TMEM108: variants seen among roughly 807,000 people sequenced by gnomAD.
TMEM108 encodes cancer/testis antigen 124.
In TMEM108, 12 loss-of-function variants were observed where a neutral mutation model predicts 35.1. The observed-to-expected ratio is 0.34, with a 90% CI of 0.22 to 0.55. The LOEUF is 0.55. Ranked by LOEUF, TMEM108 falls within the 20% of genes least tolerant of loss-of-function variation. TMEM108 has a pLI of 0.89. For missense variants in TMEM108, 680 were observed against 753.3 expected (o/e 0.90, Z 1.14); for synonymous variants, 287 against 308.6 (o/e 0.93, Z 0.73).
intron 2 of TMEM108, among the ~76,000 whole-genome samples, chr3:133,107,632 A>C (rs1356970032): frequency 6.6e-6 from 1 of 152,110 alleles, no homozygotes; most frequent in African/African-American, 2.4e-5. Context: ...TGCCAGCAAG[A>C]TCTTGATGTT....
intron 2 of TMEM108, among the ~76,000 whole-genome samples, chr3:133,228,814 A>G (rs1445724639): frequency 6.6e-6 from 1 of 152,174 alleles, no homozygotes; most frequent in Non-Finnish European, 1.5e-5. Flanking sequence ...TGTAATCAGA[A>G]AATAATAGAA....
intron 3 of TMEM108, among the ~76,000 whole-genome samples, chr3:133,235,044 A>G (rs998930951): frequency 3.9e-5 from 6 of 152,056 alleles, no homozygotes; most frequent in African/African-American, 1.2e-4. Flanking sequence ...CCAACTTACA[A>G]GGGATGTGAA....
intron 2 of TMEM108, among the ~76,000 whole-genome samples, chr3:133,107,402 C>G (rs1266343120): frequency 6.6e-6 from 1 of 151,292 alleles, no homozygotes; most frequent in Non-Finnish European, 1.5e-5. Flanking sequence ...ACAGCTTATT[C>G]CAAGAGTATG....
At chr3:133,323,529 C>T (rs1338478429) in intron 3 of TMEM108, among the ~76,000 whole-genome samples, 1 of 152,048 alleles carries the variant, frequency 6.6e-6, no homozygotes, top group Non-Finnish European at 1.5e-5. Context: ...TTATAGATGA[C>T]ACCAACAAAT....
In TMEM108 at chr3:133,384,136, T is replaced by C. The variant is rs369335474; in HGVS notation, c.1450+2975T>C. ...TCTTCCACGTCTAAGGGCCCCTTGT[T>C]TTGGACCTTCTCAGTGGCTTCATTT... On this transcript the variant is annotated intron_variant, in intron 4 of 5. Coordinates refer to ENST00000321871, the MANE Select transcript of TMEM108 (RefSeq NM_023943.4). 5.9e-5 allele frequency among the ~76,000 whole-genome samples: 9 copies of C among 152,292 alleles called. No homozygotes were observed. In the East Asian group the frequency reaches 1.2e-3, roughly 20 times the overall value.
Position 133,381,069 on chromosome 3 carries a change from G to C in TMEM108, c.1358G>C (p.Gly453Ala), listed in dbSNP as rs774734849. Residue 453 changes from glycine (G) to alanine (A), a missense_variant, in exon 4 of 6, where the codon GGG (glycine) becomes GCG (alanine). Transcript: ENST00000321871. ...TAGNISHVAEGDKPQHRATIC... is the reference protein window; with the variant it reads ...TAGNISHVAEADKPQHRATIC... ...GGGAACATCTCCCATGTGGCCGAGG[G>C]GGACAAACCGCAGCACAGAGCCACC... The C allele has an allele frequency of 3.1e-6, 5 of 1,614,064 alleles. No individual in the cohort carries two copies. Among genetic ancestry groups the C allele is most frequent in the Middle Eastern group, 1.6e-4 (1 of 6,082 alleles).
At chr3:133,086,633 CTG>C (rs1943885840) in intron 2 of TMEM108, among the ~76,000 whole-genome samples, 1 of 152,166 alleles carries the variant, frequency 6.6e-6, no homozygotes, top group Admixed American at 6.5e-5. Flanking sequence ...GAGGTACACT[CTG>C]TGGTGAACAA....
chr3:133,144,368 A>G (rs571669504), intron 2 of TMEM108, among the ~76,000 whole-genome samples: 3 of 152,126 alleles, frequency 2.0e-5, no homozygotes, highest in Non-Finnish European at 2.9e-5. Flanking sequence ...TATCCAGTCT[A>G]TCATTGAGGG....
chr3:133,052,540 T>TG (rs1455598733), intron 2 of TMEM108, among the ~76,000 whole-genome samples: 9 of 143,630 alleles, frequency 6.3e-5, no homozygotes, highest in South Asian at 4.5e-4. Flanking sequence ...GTACAATGTT[T>TG]GAAAAAAAAA....
intron 2 of TMEM108, among the ~76,000 whole-genome samples, chr3:133,155,596 C>G (rs947110477): frequency 1.3e-5 from 2 of 152,094 alleles, no homozygotes; most frequent in Non-Finnish European, 2.9e-5. Flanking sequence ...TTGCATTTCT[C>G]TAATGATCAG....
intron 2 of TMEM108, among the ~76,000 whole-genome samples, chr3:133,225,580 C>T (rs908470892): frequency 9.2e-5 from 14 of 152,068 alleles, no homozygotes; most frequent in African/African-American, 2.9e-4. Flanking sequence ...TTGATGAGAT[C>T]AAGTCAGTCT....
intron 2 of TMEM108, among the ~76,000 whole-genome samples, chr3:133,198,783 G>T (rs768805468): frequency 2.0e-5 from 3 of 152,160 alleles, no homozygotes; most frequent in Non-Finnish European, 4.4e-5. Flanking sequence ...TTCTCGAGGT[G>T]TGTCTTTGTG....
At chr3:133,126,696 G>T (rs2107739434) in intron 2 of TMEM108, among the ~76,000 whole-genome samples, 1 of 152,092 alleles carries the variant, frequency 6.6e-6, no homozygotes, top group Admixed American at 6.5e-5. Flanking sequence ...AACATGTACA[G>T]TTGTCCCTTG....
intron 4 of TMEM108, among the ~76,000 whole-genome samples, chr3:133,385,915 G>A (rs1173905660): frequency 6.6e-6 from 1 of 152,180 alleles, no homozygotes; most frequent in Non-Finnish European, 1.5e-5. Flanking sequence ...AGAATTATTG[G>A]GGGAAACACC....
chr3:133,067,574 T>C (rs1943625048), intron 2 of TMEM108, among the ~76,000 whole-genome samples: 1 of 152,238 alleles, frequency 6.6e-6, no homozygotes, highest in Non-Finnish European at 1.5e-5. Flanking sequence ...TTCAAGTGTC[T>C]TCAGTCGTGG....
At chr3:133,160,940 C>G (rs556787953) in intron 2 of TMEM108, among the ~76,000 whole-genome samples, 10 of 152,328 alleles carry the variant, frequency 6.6e-5, no homozygotes, top group African/African-American at 2.4e-4. Flanking sequence ...GGCCTCCTAA[C>G]TGGCCCTCCT....
At chr3:133,134,937 G>C (rs763935142) in intron 2 of TMEM108, among the ~76,000 whole-genome samples, 11 of 151,628 alleles carry the variant, frequency 7.3e-5, no homozygotes, top group Non-Finnish European at 1.6e-4. Context: ...TGCTTCCTTA[G>C]TAGCTGCTCC....
intron 2 of TMEM108, among the ~76,000 whole-genome samples, chr3:133,057,131 C>T (rs574885439): frequency 1.1e-4 from 17 of 152,200 alleles, no homozygotes; most frequent in South Asian, 1.0e-3. Context: ...ATTCTGCCCT[C>T]GTCTGTCAGC....
chr3:133,051,117 G>A (rs1413263287), intron 2 of TMEM108, among the ~76,000 whole-genome samples: 1 of 151,700 alleles, frequency 6.6e-6, no homozygotes. Flanking sequence ...CTAACATTTT[G>A]CATTCTCACC....
Sources: allele counts gnomAD v4.1 joint callset (sites outside exome capture counted in the v4.1 genomes callset), GRCh38; gene constraint gnomAD v4.1.1; transcripts MANE v1.5; gene names NCBI Gene and HGNC (gene_info 2026-07-23, HGNC 2026-07-21).